EIF2S1: variants seen among roughly 807,000 people sequenced by gnomAD.
The protein encoded by EIF2S1 is eukaryotic translation initiation factor 2 subunit 1.
A neutral mutation model predicts 33.5 loss-of-function variants in EIF2S1; 5 were observed. The observed-to-expected ratio is 0.15, with a 90% CI of 0.08 to 0.31. The LOEUF is 0.31. Ranked by LOEUF, EIF2S1 falls within the 10% of genes least tolerant of loss-of-function variation. EIF2S1 has a pLI of 1.00. For synonymous variants in EIF2S1, 99 were observed against 127.5 expected (o/e 0.78, Z 1.51); for missense variants, 191 against 384.6 (o/e 0.50, Z 4.21).
intron 2 of EIF2S1, among the ~76,000 whole-genome samples, chr14:67,372,366 C>T (rs1311675447): frequency 6.6e-6 from 1 of 152,076 alleles, no homozygotes; most frequent in African/African-American, 2.4e-5. Context: ...TCTTTCTGAC[C>T]TTGGATTAGG....
chr14:67,380,695 A>C lies in EIF2S1; in HGVS notation c.510A>C (p.Glu170Asp), dbSNP rs1328398950. 2.5e-6 allele frequency: 4 copies of C among 1,583,212 alleles called. No homozygotes were observed. The highest frequency in any genetic ancestry group is 3.4e-6 in the Non-Finnish European group (4 of 1,168,064). Residue 170 changes from glutamate to aspartate, a missense_variant, in exon 5 of 8, where the codon GAA (glutamate) becomes GAC (aspartate). Transcript: ENST00000256383. ...TTTTGGATAGTTTAGATTTGAATGA[A>C]GATGAACGGGAAGTACTCATTAATA... The part of the protein sequence containing the change: ...PSILDSLDLN[E>D]DEREVLINNI...
At chr14:67,368,844 GA>G (rs148261131) in intron 2 of EIF2S1, among the ~76,000 whole-genome samples, 5,224 of 152,086 alleles carry the variant, frequency 0.034, 110 homozygotes, top group East Asian at 0.06. Flanking sequence ...GCAACATAGT[GA>G]AACTATCTCT....
intron 2 of EIF2S1, among the ~76,000 whole-genome samples, chr14:67,373,714 G>A (rs911191876): frequency 4.6e-5 from 7 of 152,138 alleles, no homozygotes; most frequent in Admixed American, 6.5e-5. Flanking sequence ...ACTGGGGGGC[G>A]CTGTGGGAAA....
At chr14:67,379,689 C>A (rs1225691215) in intron 4 of EIF2S1, among the ~76,000 whole-genome samples, 2 of 116,614 alleles carry the variant, frequency 1.7e-5, no homozygotes, top group Non-Finnish European at 3.1e-5. Context: ...GAGTCTCGCT[C>A]TGTCGCCCAG....
chr14:67,381,799 G>T, intron 6 of EIF2S1, 109 bp downstream of exon 6: 1 of 729,306 alleles, frequency 1.4e-6, no homozygotes, highest in East Asian at 2.6e-5. Context: ...AACAAAAGTG[G>T]GTTTTTTACT....
At chr14:67,370,020 T>TGTTTCTATA (rs2085809162) in intron 2 of EIF2S1, among the ~76,000 whole-genome samples, 1 of 152,232 alleles carries the variant, frequency 6.6e-6, no homozygotes. Flanking sequence ...TCATTAGCAT[T>TGTTTCTATA]GTTTCTATAG....
intron 4 of EIF2S1, among the ~76,000 whole-genome samples, 158 bp from the exon 5 acceptor site, chr14:67,380,501 T>G (rs8008724): frequency 0.15 from 22,747 of 152,184 alleles, 3,200 homozygotes; most frequent in East Asian, 0.42. Flanking sequence ...AGTGCAAAGC[T>G]AAGATTTGAA....
chr14:67,365,011 A>G lies in EIF2S1; in HGVS notation c.241+3A>G. ...CATTAGGGTGGACAAAGAAAAAGGT[A>G]AGTGAGAAAAATATCTGTAATATAA... On this transcript the variant is annotated splice_donor_region_variant and intron_variant, in intron 2 of 7. Coordinates refer to ENST00000256383, the MANE Select transcript of EIF2S1 (RefSeq NM_004094.5). The G allele has an allele frequency of 6.3e-7, 1 of 1,581,028 alleles. No homozygotes were observed. Among genetic ancestry groups the G allele is most frequent in the Middle Eastern group, 1.7e-4 (1 of 5,954 alleles).
At chr14:67,376,296 C>G (rs1211187951) in intron 3 of EIF2S1, 143 bp from the exon 4 acceptor site, 1 of 775,080 alleles carries the variant, frequency 1.3e-6, no homozygotes, top group Non-Finnish European at 2.0e-6. Context: ...CTTTTTATAC[C>G]CACTTAAAGT....
At chr14:67,381,251 T>C (rs892879270) in intron 5 of EIF2S1, among the ~76,000 whole-genome samples, 1 of 152,212 alleles carries the variant, frequency 6.6e-6, no homozygotes, top group African/African-American at 2.4e-5. Context: ...TGTGCCAGTT[T>C]TCTCACAGTT....
chr14:67,365,144 GT>G, intron 2 of EIF2S1, 136 bp downstream of exon 2: 1 of 955,276 alleles, frequency 1.0e-6, no homozygotes, highest in Non-Finnish European at 1.5e-6. Flanking sequence ...ATACAAAGTT[GT>G]TAGAAAAGGA....
At chr14:67,378,307 C>T (rs2085868383) in intron 4 of EIF2S1, among the ~76,000 whole-genome samples, 1 of 142,806 alleles carries the variant, frequency 7.0e-6, no homozygotes, top group African/African-American at 2.6e-5. Flanking sequence ...AGTTTATTCT[C>T]ATGTGACTTT....
intron 3 of EIF2S1, among the ~76,000 whole-genome samples, chr14:67,375,977 A>C (rs2085855780): frequency 6.6e-6 from 1 of 152,190 alleles, no homozygotes; most frequent in South Asian, 2.1e-4. Context: ...TGAAGACCTT[A>C]ATACTTTTTG....
Position 67,372,139 on chromosome 14 carries a change from A to T in EIF2S1, c.242-2329A>T, listed in dbSNP as rs2085826397. ...CTTCTTTTTATTTAAAAAAAAAATT[A>T]AAAAATTTATGTGTGCTTTTATATG... On this transcript the variant is annotated intron_variant, in intron 2 of 7. Coordinates refer to ENST00000256383, the MANE Select transcript of EIF2S1 (RefSeq NM_004094.5). Among the ~76,000 whole-genome samples, 6 of 152,196 alleles carry T rather than the reference A, an allele frequency of 3.9e-5. No individual in the cohort carries two copies. The South Asian group carries it at 1.2e-3, about 32-fold the overall frequency.
Position 67,383,531 on chromosome 14 carries a change from CT to C in EIF2S1, c.*93del. ...CTTGAAAGTTTTCCAGTATTGAAAA[CT>C]TCAAAGCTGAATATTTTTTATTTCT... is the stretch of plus-strand genomic sequence containing the variant. On this transcript the variant is annotated 3_prime_UTR_variant, in exon 8 of 8. Coordinates refer to ENST00000256383, the MANE Select transcript of EIF2S1 (RefSeq NM_004094.5). 6.5e-7 allele frequency: 1 copy of C among 1,535,330 alleles called. No homozygotes were observed. Among genetic ancestry groups the C allele is most frequent in the Non-Finnish European group, 8.9e-7 (1 of 1,127,086 alleles).
In EIF2S1 at chr14:67,383,507, T is replaced by A; in HGVS notation, c.*67T>A. Reference sequence around the variant, plus strand: ...CGCTTCCTGGCTGTAAATCCTAGACTTGAAAGTTTTCCAGTATTGAAAACT... The same window carrying A: ...CGCTTCCTGGCTGTAAATCCTAGACATGAAAGTTTTCCAGTATTGAAAACT... On this transcript the variant is annotated 3_prime_UTR_variant, in exon 8 of 8. Transcript: ENST00000256383. The A allele has an allele frequency of 6.3e-7, 1 of 1,594,208 alleles. No individual in the cohort carries two copies. Among genetic ancestry groups the A allele is most frequent in the Non-Finnish European group, 8.6e-7 (1 of 1,168,074 alleles).
chr14:67,363,082 G>A (rs1395438628), intron 1 of EIF2S1, among the ~76,000 whole-genome samples: 1 of 152,096 alleles, frequency 6.6e-6, no homozygotes, highest in East Asian at 1.9e-4. Flanking sequence ...GGTTTTCACT[G>A]GTCAAATGTC....
Position 67,376,543 on chromosome 14 carries a change from C to T in EIF2S1, c.426C>T (p.Tyr142=). 1 of 1,614,086 alleles carries T rather than the reference C, an allele frequency of 6.2e-7. No homozygotes were observed. Among genetic ancestry groups the T allele is most frequent in the South Asian group, 1.1e-5 (1 of 91,074 alleles). The change falls in exon 4 of 8, where the codon TAC becomes TAT. Residue 142 remains tyrosine (Y), a synonymous_variant. Transcript: ENST00000256383. ...CTGCCTGGGTCTTTGATGACAAGTA[C>T]AAGAGACCTGGATATGGTGCCTATG... ...QRTAWVFDDK[Y]KRPGYGAYDA... is the part of the protein sequence containing the mutation.
At chr14:67,378,310 G>A (rs2085868428) in intron 4 of EIF2S1, among the ~76,000 whole-genome samples, 1 of 135,334 alleles carries the variant, frequency 7.4e-6, no homozygotes, top group Non-Finnish European at 1.6e-5. Flanking sequence ...TTATTCTCAT[G>A]TGACTTTTTT....
Sources: gnomAD v4.1 joint callset for allele counts (sites outside exome capture counted in the v4.1 genomes callset) on GRCh38, gnomAD v4.1.1 for gene constraint, MANE v1.5 for transcripts, NCBI Gene and HGNC (gene_info 2026-07-23, HGNC 2026-07-21) for gene names.